The following LAPTM4B variants were observed in gnomAD, a reference collection of about 807,000 sequenced individuals.
The protein encoded by LAPTM4B is lysosomal protein transmembrane 4 beta, also known as lysosomal-associated transmembrane protein 4B.
A neutral mutation model predicts 28.5 loss-of-function variants in LAPTM4B; 26 were observed. The ratio of observed to expected loss-of-function variants is 0.91; its 90% CI spans 0.67 to 1.27. The LOEUF is 1.27. LAPTM4B is among the 50% of genes most tolerant of loss of function. The pLI, the probability that LAPTM4B is intolerant of heterozygous loss-of-function variation, is 0.00. For synonymous variants in LAPTM4B, 109 were observed against 106.4 expected, an observed-to-expected ratio of 1.02 and a Z score of -0.15; for missense variants, 288 against 285.8, an observed-to-expected ratio of 1.01 and a Z score of -0.06.
intron 6 of LAPTM4B, among the ~76,000 whole-genome samples, chr8:97,829,659 T>C (rs1391626336): frequency 1.3e-5 from 2 of 151,704 alleles, no homozygotes; most frequent in African/African-American, 4.8e-5. Context: ...GTATGAGATA[T>C]TGGGGGAGTT....
chr8:97,816,399 C>G (rs1816916401), intron 4 of LAPTM4B, among the ~76,000 whole-genome samples: 1 of 152,004 alleles, frequency 6.6e-6, no homozygotes, highest in African/African-American at 2.4e-5. Flanking sequence ...ACTGCAACCT[C>G]TGCCTCCAGG....
chr8:97,813,856 C>A lies in LAPTM4B; in HGVS notation c.212-1472C>A, dbSNP rs144646863. On this transcript the variant is annotated intron_variant, in intron 2 of 6. Coordinates refer to ENST00000521545, the MANE Select transcript of LAPTM4B (RefSeq NM_018407.6). ...AGAGAAGTTGCATGTACAATGAAAA[C>A]CAATATTATTTTTCTCATTGACAAT... Among the ~76,000 whole-genome samples, 699 of 152,058 alleles carry A rather than the reference C, an allele frequency of 4.6e-3. 3 individuals are homozygous for A. Among genetic ancestry groups the A allele is most frequent in the African/African-American group, 0.016 (644 of 41,458 alleles).
Position 97,852,170 on chromosome 8 carries a change from T to C in LAPTM4B, c.*696T>C, listed in dbSNP as rs529970840. 6.6e-6 allele frequency: 1 copy of C among 152,500 alleles called. No homozygotes were observed. Among genetic ancestry groups the C allele is most frequent in the East Asian group, 1.9e-4 (1 of 5,158 alleles). The allele number at this position is 152,500 out of a possible 1,614,324, so 9.4% of individuals were successfully genotyped here. A position where few individuals can be genotyped will look rare whatever the true frequency, so the allele number is the denominator to read the frequency against. On this transcript the variant is annotated 3_prime_UTR_variant, in exon 7 of 7. Transcript: ENST00000521545. Reference sequence around the variant, plus strand: ...CGTATGTGTTAGAGGGTGGAATGGATGTGTTTGGCGCTGCATGGGATCTGG... The same window carrying C: ...CGTATGTGTTAGAGGGTGGAATGGACGTGTTTGGCGCTGCATGGGATCTGG...
intron 1 of LAPTM4B, among the ~76,000 whole-genome samples, chr8:97,778,337 T>C (rs557866651): frequency 6.6e-6 from 1 of 152,012 alleles, no homozygotes; most frequent in Non-Finnish European, 1.5e-5. Context: ...AGTAGTGATT[T>C]TCACTCAGAC....
chr8:97,825,434 T>G (rs900900371), intron 6 of LAPTM4B, among the ~76,000 whole-genome samples: 2 of 152,232 alleles, frequency 1.3e-5, no homozygotes, highest in Non-Finnish European at 2.9e-5. Context: ...CTGTAATTAT[T>G]TATCTTAAAC....
At chr8:97,823,699 T>G (rs1346192162) in intron 5 of LAPTM4B, among the ~76,000 whole-genome samples, 5 of 56,682 alleles carry the variant, frequency 8.8e-5, no homozygotes, top group African/African-American at 8.8e-4. Context: ...ATTTATTTAG[T>G]TTTTTTTTTT....
chr8:97,849,050 A>G (rs928525419), intron 6 of LAPTM4B, among the ~76,000 whole-genome samples: 5 of 152,164 alleles, frequency 3.3e-5, no homozygotes, highest in Non-Finnish European at 5.9e-5. Flanking sequence ...ACCTGTGCCT[A>G]TCTTTCCAAC....
At chr8:97,839,149 C>A (rs1411225463) in intron 6 of LAPTM4B, among the ~76,000 whole-genome samples, 1 of 152,110 alleles carries the variant, frequency 6.6e-6, no homozygotes, top group African/African-American at 2.4e-5. Flanking sequence ...AACTCGGCTC[C>A]TATTTCTTTC....
At chr8:97,789,413 C>T (rs571151756) in intron 1 of LAPTM4B, among the ~76,000 whole-genome samples, 3 of 151,020 alleles carry the variant, frequency 2.0e-5, no homozygotes, top group African/African-American at 7.3e-5. Flanking sequence ...CAGGCTGGAG[C>T]GCAGTGGTGT....
intron 2 of LAPTM4B, among the ~76,000 whole-genome samples, chr8:97,809,536 C>A (rs1341666270): frequency 6.6e-6 from 1 of 151,926 alleles, no homozygotes. Context: ...CCTGTCTCAA[C>A]CAAAAATATA....
chr8:97,811,958 A>G (rs1241939856), intron 2 of LAPTM4B, among the ~76,000 whole-genome samples: 1 of 151,784 alleles, frequency 6.6e-6, no homozygotes, highest in Non-Finnish European at 1.5e-5. Flanking sequence ...GGTGCGTACC[A>G]CCATGCCTGG....
chr8:97,780,184 G>A (rs559666741), intron 1 of LAPTM4B, among the ~76,000 whole-genome samples: 78 of 152,046 alleles, frequency 5.1e-4, no homozygotes, highest in Non-Finnish European at 1.0e-3. Context: ...CAGCACTTTC[G>A]GAGACTGAGG....
intron 1 of LAPTM4B, among the ~76,000 whole-genome samples, chr8:97,804,138 G>C (rs1057322538): frequency 2.0e-5 from 3 of 152,148 alleles, no homozygotes; most frequent in African/African-American, 4.8e-5. Context: ...CCAGCTACTT[G>C]GAAGGCAGAG....
At chr8:97,845,255 G>A (rs1817409424) in intron 6 of LAPTM4B, among the ~76,000 whole-genome samples, 1 of 151,896 alleles carries the variant, frequency 6.6e-6, no homozygotes, top group South Asian at 2.1e-4. Context: ...ATATTGTTCA[G>A]TGCAGAGTTC....
At chr8:97,832,967 A>G (rs1219792364) in intron 6 of LAPTM4B, among the ~76,000 whole-genome samples, 1 of 150,038 alleles carries the variant, frequency 6.7e-6, no homozygotes, top group Non-Finnish European at 1.5e-5. Flanking sequence ...CTGCCTCCCA[A>G]AGTGCTGGGG....
intron 6 of LAPTM4B, among the ~76,000 whole-genome samples, chr8:97,849,810 C>A (rs6984645): frequency 1.3e-5 from 2 of 152,044 alleles, no homozygotes; most frequent in Admixed American, 6.5e-5. Flanking sequence ...TCCTCCACCC[C>A]CCTGCCCGCC....
chr8:97,799,860 A>G (rs1459075402), intron 1 of LAPTM4B, among the ~76,000 whole-genome samples: 1 of 152,050 alleles, frequency 6.6e-6, no homozygotes, highest in Non-Finnish European at 1.5e-5. Context: ...TTCCAGCCAC[A>G]TTGAACTTGC....
intron 1 of LAPTM4B, among the ~76,000 whole-genome samples, chr8:97,781,649 A>G (rs968405338): frequency 2.0e-5 from 3 of 152,214 alleles, no homozygotes; most frequent in Non-Finnish European, 4.4e-5. Flanking sequence ...CCTTGAGAAC[A>G]TTTCCAAACT....
At chr8:97,846,625 C>G (rs189200231) in intron 6 of LAPTM4B, among the ~76,000 whole-genome samples, 4 of 152,314 alleles carry the variant, frequency 2.6e-5, no homozygotes, top group Middle Eastern at 3.4e-3. Context: ...CTGTGTCAGG[C>G]CTAAATATTT....
Sources: allele counts gnomAD v4.1 joint callset (sites outside exome capture counted in the v4.1 genomes callset), GRCh38; gene constraint gnomAD v4.1.1; transcripts MANE v1.5; gene names NCBI Gene and HGNC (gene_info 2026-07-23, HGNC 2026-07-21).